The following IRS1 variants were observed in gnomAD, a reference collection of about 807,000 sequenced individuals.
IRS1 encodes the protein insulin receptor substrate 1.
Under a neutral mutation model 65.6 loss-of-function variants are expected in IRS1, and 34 were observed. The observed-to-expected ratio is 0.52, with a 90% CI of 0.39 to 0.69. The LOEUF (loss-of-function observed/expected upper bound fraction) is 0.69. Among genes scored for constraint, IRS1 ranks in the 30% least tolerant of loss-of-function variants. The pLI, the probability that IRS1 is intolerant of heterozygous loss-of-function variation, is 0.00. For synonymous variants in IRS1, 699 were observed against 683.5 expected (o/e 1.02, Z -0.35); for missense variants, 1,641 against 1,720.2 (o/e 0.95, Z 0.81).
intron 1 of IRS1, chr2:226,792,063 A>C (rs1939623306): frequency 6.6e-6 from 1 of 152,372 alleles, no homozygotes; most frequent in Non-Finnish European, 1.5e-5. Context: ...GCAACCTTGG[A>C]GGTACGGAAT....
chr2:226,798,862 C>A lies in IRS1; in HGVS notation c.-124G>T. The A allele has an allele frequency of 1.2e-5, 19 of 1,531,292 alleles. No individual in the cohort carries two copies. The highest frequency in any genetic ancestry group is 1.7e-5 in the Non-Finnish European group (19 of 1,136,272). 94.9% of individuals were successfully genotyped at this position (1,531,292 alleles called of 1,614,324 possible). On this transcript the variant is annotated 5_prime_UTR_variant, in exon 1 of 2. Transcript: ENST00000305123. The surrounding 1 kb of genome is among the most constrained non-coding windows in gnomAD (Gnocchi z 9.4). ...GGGCTGGAGGCAGCAGAAACCCCGA[C>A]TCTGAAATCCACGCCGCCCCCCGCG...
chr2:226,790,728 G>A (rs1490949285), intron 1 of IRS1, among the ~76,000 whole-genome samples: 1 of 152,114 alleles, frequency 6.6e-6, no homozygotes, highest in Non-Finnish European at 1.5e-5. Flanking sequence ...AGGAGGAGGA[G>A]GAGAAAATAC....
intron 1 of IRS1, among the ~76,000 whole-genome samples, chr2:226,750,859 T>C (rs533208715): frequency 6.6e-6 from 1 of 152,300 alleles, no homozygotes; most frequent in East Asian, 1.9e-4. Context: ...TCTGCTTCAT[T>C]AGGTTTGGGG....
chr2:226,773,562 T>A (rs1052592265), intron 1 of IRS1, among the ~76,000 whole-genome samples: 1 of 152,036 alleles, frequency 6.6e-6, no homozygotes, highest in African/African-American at 2.4e-5. Context: ...ATGTCTGTGT[T>A]TTTAAAAGAA....
intron 1 of IRS1, among the ~76,000 whole-genome samples, chr2:226,749,457 C>T (rs1473006954): frequency 6.6e-6 from 1 of 152,184 alleles, no homozygotes; most frequent in Non-Finnish European, 1.5e-5. Flanking sequence ...AAACAAAGAC[C>T]TTCCCAGGGA....
intron 1 of IRS1, among the ~76,000 whole-genome samples, chr2:226,745,103 A>G (rs1229822407): frequency 6.6e-6 from 1 of 152,268 alleles, no homozygotes; most frequent in Non-Finnish European, 1.5e-5. Context: ...AATGCAAGTC[A>G]TAAAGATTTC....
chr2:226,773,524 A>C (rs755111584), intron 1 of IRS1, among the ~76,000 whole-genome samples: 100 of 152,170 alleles, frequency 6.6e-4, no homozygotes, highest in Non-Finnish European at 1.1e-3. Context: ...AAGCTGAGAC[A>C]ATTTCGGTGA....
intron 1 of IRS1, among the ~76,000 whole-genome samples, chr2:226,737,865 G>A (rs923708991): frequency 5.9e-5 from 9 of 152,284 alleles, no homozygotes; most frequent in East Asian, 3.9e-4. Flanking sequence ...GGCTTGCCAC[G>A]TGGTAGTACT....
intron 1 of IRS1, among the ~76,000 whole-genome samples, chr2:226,757,481 T>C (rs906801846): frequency 2.0e-5 from 3 of 151,550 alleles, no homozygotes; most frequent in African/African-American, 7.3e-5. Flanking sequence ...CCAGGCATGG[T>C]GGGGTGTGCC....
intron 1 of IRS1, among the ~76,000 whole-genome samples, chr2:226,779,055 C>G (rs1195881718): frequency 6.6e-6 from 1 of 152,152 alleles, no homozygotes; most frequent in Non-Finnish European, 1.5e-5. Context: ...ATGCCTGGTA[C>G]TCAGTAGAAA....
At chr2:226,740,623 T>C (rs1257806197) in intron 1 of IRS1, among the ~76,000 whole-genome samples, 1 of 152,200 alleles carries the variant, frequency 6.6e-6, no homozygotes, top group Non-Finnish European at 1.5e-5. Context: ...GTCAGAACAA[T>C]TGACAAATGT....
At chr2:226,754,597 C>A (rs903457627) in intron 1 of IRS1, among the ~76,000 whole-genome samples, 1 of 151,986 alleles carries the variant, frequency 6.6e-6, no homozygotes, top group Non-Finnish European at 1.5e-5. Flanking sequence ...ATGCTATTAA[C>A]CAAAAATTTA....
intron 1 of IRS1, among the ~76,000 whole-genome samples, chr2:226,784,366 A>G (rs1939446923): frequency 6.6e-6 from 1 of 152,178 alleles, no homozygotes; most frequent in Non-Finnish European, 1.5e-5. Context: ...CACCAAAAAA[A>G]CGATCAAACA....
In IRS1 at chr2:226,784,334, T is replaced by C. The variant is rs538036466; in HGVS notation, c.*21+10655A>G. ...GGAAGAAAACTAACACTACTGCTAT[T>C]ACTATACTCTTATTGGTAAGTCACC... On this transcript the variant is annotated intron_variant, in intron 1 of 1. Transcript: ENST00000305123. Among the ~76,000 whole-genome samples the C allele has an allele frequency of 1.3e-4, 20 of 152,318 alleles. No homozygotes were observed. The East Asian group carries it at 3.3e-3, about 25-fold the overall frequency.
In IRS1 at chr2:226,798,545, G is replaced by T. The variant is rs764111957; in HGVS notation, c.194C>A (p.Pro65His). The T allele has an allele frequency of 6.6e-5, 106 of 1,613,932 alleles. 1 individual carries two copies. The South Asian group carries it at 1.1e-3, about 17-fold the overall frequency. The part of the protein sequence containing the change: ...HKSSAPKRSI[P>H]LESCFNINKR... ...GTTGATGTTGAAGCAGCTCTCAAGG[G>T]GGATCGAGCGTTTGGGGGCGCTCGA... The change falls in exon 1 of 2, where the codon CCC becomes CAC. Residue 65 changes from proline to histidine, a missense_variant. Coordinates refer to ENST00000305123, the MANE Select transcript of IRS1 (RefSeq NM_005544.3). The surrounding 1 kb of genome is among the most constrained non-coding windows in gnomAD (Gnocchi z 9.4).
At chr2:226,786,439 G>A (rs1026329965) in intron 1 of IRS1, among the ~76,000 whole-genome samples, 3 of 152,094 alleles carry the variant, frequency 2.0e-5, no homozygotes, top group Non-Finnish European at 4.4e-5. Flanking sequence ...GCCCCTTTAA[G>A]TGCTGAAATT....
rs773817315 is a variant in IRS1, at chr2:226,797,673, C to T, written c.1066G>A (p.Ala356Thr). The change falls in exon 1 of 2, where the codon GCC becomes ACC. Residue 356 changes from alanine to threonine, a missense_variant. Ala to Thr is a moderately conservative substitution (Grantham distance 58). Around this residue, in one of 3 missense-constraint regions of IRS1, gnomAD observed 1,324 missense variants for 1,361.0 expected, o/e 0.97. Transcript: ENST00000305123. This position sits in a 1 kb window ranked among gnomAD's most constrained non-coding sequence, Gnocchi z 8.1. ...CGGGCGCTGCCCCGATGCCGGTGGG[C>T]GTGGGTTCTGTTGGTGCTGGGACTC... ...PVSPSTNRTH[A>T]HRHRGSARLH... 1 of 1,596,558 alleles carries T rather than the reference C, an allele frequency of 6.3e-7. No individual in the cohort carries two copies. Among genetic ancestry groups the T allele is most frequent in the Non-Finnish European group, 8.5e-7 (1 of 1,178,166 alleles).
At chr2:226,766,153 A>T (rs866243569) in intron 1 of IRS1, among the ~76,000 whole-genome samples, 989 of 4,802 alleles carry the variant, frequency 0.21, 147 homozygotes, top group Middle Eastern at 0.5. Flanking sequence ...ATATATATAT[A>T]TATATATATA....
rs747779008 is a variant in IRS1, at chr2:226,796,583, T to C, written c.2156A>G (p.Glu719Gly). The C allele has an allele frequency of 6.2e-7, 1 of 1,614,042 alleles. No individual in the cohort carries two copies. The highest frequency in any genetic ancestry group is 1.1e-5 in the South Asian group (1 of 91,082). ...HVLPHPKPPV[E>G]SSGGKLLPCT... Reference sequence around the variant, plus strand: ...AGGTAAGAGCTTACCACCGCTGCTCTCCACTGGGGGTTTGGGGTGAGGCAA... The same window carrying C: ...AGGTAAGAGCTTACCACCGCTGCTCCCCACTGGGGGTTTGGGGTGAGGCAA... Residue 719 changes from glutamate to glycine, a missense_variant, in exon 1 of 2, where the codon GAG becomes GGG. This residue lies in a region of IRS1 where 1,324 missense variants were observed against 1,361.0 expected (regional missense o/e 0.97). Coordinates refer to ENST00000305123, the MANE Select transcript of IRS1 (RefSeq NM_005544.3).
Sources: gnomAD v4.1 joint callset for allele counts (sites outside exome capture counted in the v4.1 genomes callset) on GRCh38, gnomAD v4.1.1 for gene constraint, gnomAD v4.1.1 regional missense constraint, Gnocchi (gnomAD v3.1) non-coding constraint, MANE v1.5 for transcripts, NCBI Gene and HGNC (gene_info 2026-07-23, HGNC 2026-07-21) for gene names.